Variants in SDK2 observed in about 807,000 individuals in gnomAD.
SDK2 encodes sidekick cell adhesion molecule 2.
A neutral mutation model predicts 253.9 loss-of-function variants in SDK2; 105 were observed. That is an observed-to-expected ratio of 0.41 (90% CI 0.35 to 0.49). The LOEUF is 0.49. Among genes scored for constraint, SDK2 ranks in the 20% least tolerant of loss-of-function variants. The pLI, the probability that SDK2 is intolerant of heterozygous loss-of-function variation, is 0.06. For synonymous variants in SDK2, 1,249 were observed against 1,234.9 expected, an observed-to-expected ratio of 1.01 and a Z score of -0.24; for missense variants, 2,608 against 3,003.0, an observed-to-expected ratio of 0.87 and a Z score of 3.07.
At chr17:73,601,278 C>T (rs548089426) in intron 1 of SDK2, among the ~76,000 whole-genome samples, 1 of 152,192 alleles carries the variant, frequency 6.6e-6, no homozygotes, top group South Asian at 2.1e-4. Context: ...CCTCGGCCTC[C>T]CAAAGTGCTG....
rs1709669601 is a variant in SDK2, at chr17:73,441,281, A to G, written c.614-358T>C. The stretch of plus-strand genomic sequence containing the variant: ...GTTGACCTTGTTGGTTTAGTTCTGC[A>G]TTGTCCACGTCCTCCACCAGAATGC... On this transcript the variant is annotated intron_variant, in intron 5 of 44. Coordinates refer to ENST00000392650, the MANE Select transcript of SDK2 (RefSeq NM_001144952.2). Among the ~76,000 whole-genome samples the G allele has an allele frequency of 2.7e-5, 4 of 150,168 alleles. No individual in the cohort carries two copies. The South Asian group carries it at 8.4e-4, about 31-fold the overall frequency.
chr17:73,560,620 A>C (rs2045218543), intron 1 of SDK2, among the ~76,000 whole-genome samples: 1 of 152,236 alleles, frequency 6.6e-6, no homozygotes, highest in Non-Finnish European at 1.5e-5. Flanking sequence ...GATTACAGGC[A>C]TGAGCCACCT....
intron 1 of SDK2, among the ~76,000 whole-genome samples, chr17:73,546,400 G>A (rs187822990): frequency 2.6e-5 from 4 of 152,334 alleles, no homozygotes; most frequent in Non-Finnish European, 4.4e-5. Flanking sequence ...GCCACAGCAC[G>A]GGGCTCGCTT....
intron 38 of SDK2, among the ~76,000 whole-genome samples, chr17:73,362,202 C>A (rs1032897394): frequency 6.6e-6 from 1 of 152,124 alleles, no homozygotes; most frequent in Non-Finnish European, 1.5e-5. Flanking sequence ...AAATATGTTT[C>A]GGCTCCATTG....
At chr17:73,476,689 C>T (rs943796587) in intron 2 of SDK2, among the ~76,000 whole-genome samples, 4 of 152,186 alleles carry the variant, frequency 2.6e-5, no homozygotes, top group Non-Finnish European at 4.4e-5. Context: ...GAGATCCTAG[C>T]TCACTGTAAC....
chr17:73,419,375 G>T, intron 15 of SDK2, 69 bp from the exon 16 acceptor site: 1 of 1,540,574 alleles, frequency 6.5e-7, no homozygotes, highest in Non-Finnish European at 8.8e-7. Context: ...ATATGAGAAG[G>T]CTGAACCCTG....
chr17:73,480,710 G>T (rs1247768551), intron 2 of SDK2, among the ~76,000 whole-genome samples: 1 of 152,068 alleles, frequency 6.6e-6, no homozygotes, highest in Non-Finnish European at 1.5e-5. Flanking sequence ...GGCTGAGATG[G>T]AGAGAGACAC....
chr17:73,622,327 C>T (rs567721306), intron 1 of SDK2, among the ~76,000 whole-genome samples: 2 of 152,326 alleles, frequency 1.3e-5, no homozygotes, highest in Admixed American at 6.5e-5. Context: ...CTCATGCCCC[C>T]GTTATCTGCA....
At chr17:73,380,309 C>T (rs1204202478) in intron 34 of SDK2, among the ~76,000 whole-genome samples, 2 of 152,152 alleles carry the variant, frequency 1.3e-5, no homozygotes, top group African/African-American at 4.8e-5. Context: ...TAGCCTTAAA[C>T]TAGTGCTATT....
At position 73,354,278 on chromosome 17, in the gene SDK2, C is replaced by T. The variant is rs549568779; in HGVS notation, c.5594-1641G>A. Among the ~76,000 whole-genome samples, 15 of 152,358 alleles carry T rather than the reference C, an allele frequency of 9.8e-5. No individual in the cohort carries two copies. In the South Asian group the frequency reaches 2.9e-3, roughly 29 times the overall value. ...CGTCAGCCACCTCTGTCCTTTGCAC[C>T]TGAGCTTCCCTCAGATCCCCTTCCC... On this transcript the variant is annotated intron_variant, in intron 40 of 44. Coordinates refer to ENST00000392650, the MANE Select transcript of SDK2 (RefSeq NM_001144952.2).
intron 44 of SDK2, among the ~76,000 whole-genome samples, chr17:73,345,384 T>C (rs1265549373): frequency 6.6e-6 from 1 of 152,086 alleles, no homozygotes; most frequent in Non-Finnish European, 1.5e-5. Context: ...GTTGCTGTGG[T>C]TCCATAATAT....
intron 1 of SDK2, among the ~76,000 whole-genome samples, chr17:73,635,112 A>C (rs1028218979): frequency 9.2e-5 from 14 of 151,902 alleles, no homozygotes; most frequent in African/African-American, 3.1e-4. Context: ...CAGCCTCTCG[A>C]GTAGCTGGAA....
At chr17:73,444,628 C>T (rs2063438930) in intron 5 of SDK2, among the ~76,000 whole-genome samples, 1 of 152,234 alleles carries the variant, frequency 6.6e-6, no homozygotes, top group Non-Finnish European at 1.5e-5. Context: ...GCCATAGGCA[C>T]CAATTTACAG....
chr17:73,611,940 C>T (rs888994053), intron 1 of SDK2, among the ~76,000 whole-genome samples: 1 of 152,112 alleles, frequency 6.6e-6, no homozygotes, highest in African/African-American at 2.4e-5. Flanking sequence ...AGGGGAGAAG[C>T]AGGACCCCAA....
chr17:73,544,988 C>CTTCCTTGGGCCTCCACTCCTTT (rs2044933982), intron 1 of SDK2, among the ~76,000 whole-genome samples: 1 of 152,172 alleles, frequency 6.6e-6, no homozygotes, highest in African/African-American at 2.4e-5. Context: ...AAGGCTCTTT[C>CTTCCTTGGGCCTCCACTCCTTT]TTCCTTGGGC....
intron 1 of SDK2, among the ~76,000 whole-genome samples, chr17:73,561,987 G>C (rs1052689651): frequency 6.6e-6 from 1 of 152,122 alleles, no homozygotes; most frequent in Non-Finnish European, 1.5e-5. Flanking sequence ...TTAGCTGGGC[G>C]TGGTGGTGTG....
rs539175897 is a variant in SDK2, at chr17:73,582,424, C to T, written c.64+61601G>A. On this transcript the variant is annotated intron_variant, in intron 1 of 44. Coordinates refer to ENST00000392650, the MANE Select transcript of SDK2 (RefSeq NM_001144952.2). Reference sequence around the variant, plus strand: ...TTTGGGGGTACACACTGTGCAGGCACGAACACTTTGCCTTTTTTTCATGCT... The same window carrying T: ...TTTGGGGGTACACACTGTGCAGGCATGAACACTTTGCCTTTTTTTCATGCT... Among the ~76,000 whole-genome samples the T allele has an allele frequency of 1.1e-4, 17 of 152,348 alleles. 1 individual carries two copies. The highest frequency in any genetic ancestry group is 6.2e-4 in the South Asian group (3 of 4,830).
intron 4 of SDK2, among the ~76,000 whole-genome samples, chr17:73,448,505 C>T (rs1359830234): frequency 6.6e-6 from 1 of 152,114 alleles, no homozygotes; most frequent in African/African-American, 2.4e-5. Context: ...GCTAGGACTA[C>T]AGGTGCGCGC....
At chr17:73,346,935 C>T (rs1451144869) in intron 44 of SDK2, among the ~76,000 whole-genome samples, 6 of 152,218 alleles carry the variant, frequency 3.9e-5, no homozygotes, top group Non-Finnish European at 8.8e-5. Flanking sequence ...GGAGAACTAC[C>T]AGTGGCATCC....
Sources: allele counts gnomAD v4.1 joint callset (sites outside exome capture counted in the v4.1 genomes callset), GRCh38; gene constraint gnomAD v4.1.1; transcripts MANE v1.5; gene names NCBI Gene and HGNC (gene_info 2026-07-23, HGNC 2026-07-21).